The following C1QTNF2 variants were observed in gnomAD, a reference collection of about 807,000 sequenced individuals.
The protein encoded by C1QTNF2 is complement C1q tumor necrosis factor-related protein 2.
A neutral mutation model predicts 17.4 loss-of-function variants in C1QTNF2; 15 were observed. The observed-to-expected ratio is 0.86, with a 90% CI of 0.58 to 1.33. The LOEUF (loss-of-function observed/expected upper bound fraction) is 1.33, where lower values mean the gene tolerates loss of function less well. Ranked by LOEUF, C1QTNF2 falls within the 40% of genes most tolerant of loss-of-function variation. The pLI is 0.00. For missense variants in C1QTNF2, 381 were observed against 392.3 expected, an observed-to-expected ratio of 0.97 and a Z score of 0.24; for synonymous variants, 154 against 163.3, an observed-to-expected ratio of 0.94 and a Z score of 0.44.
intron 1 of C1QTNF2, among the ~76,000 whole-genome samples, chr5:160,357,027 A>G (rs1764063948): frequency 6.6e-6 from 1 of 152,188 alleles, no homozygotes; most frequent in Non-Finnish European, 1.5e-5. Context: ...GAGCCTGCAA[A>G]AGGCCCCCAT....
chr5:160,352,664 A>G (rs891250783), intron 2 of C1QTNF2, among the ~76,000 whole-genome samples: 1 of 152,264 alleles, frequency 6.6e-6, no homozygotes, highest in Non-Finnish European at 1.5e-5. Context: ...GCCTGCTTGG[A>G]GCACATGTCC....
In C1QTNF2 at chr5:160,349,231, C is replaced by T; in HGVS notation, c.795G>A (p.Trp265Ter). Residue 265 changes from tryptophan (W) to a stop codon, truncating the protein, a stop_gained, in exon 3 of 3, where the codon TGG (tryptophan) becomes TGA (stop). Transcript: ENST00000652664. LOFTEE classifies it high-confidence loss of function. This position sits in a 1 kb window ranked among gnomAD's most constrained non-coding sequence, Gnocchi z 4.3. Reference sequence around the variant, plus strand: ...GGAAGCCCGTAAAGAGGCTGTCTGTCCAGTAAGGGTCATAGAAGAGCCCGT... The same window carrying T: ...GGAAGCCCGTAAAGAGGCTGTCTGTTCAGTAAGGGTCATAGAAGAGCCCGT... ...EQNGLFYDPY[W>*]TDSLFTGFLI... 1 of 1,614,096 alleles carries T rather than the reference C, an allele frequency of 6.2e-7. No homozygotes were observed. Among genetic ancestry groups the T allele is most frequent in the East Asian group, 2.2e-5 (1 of 44,866 alleles).
intron 1 of C1QTNF2, among the ~76,000 whole-genome samples, chr5:160,370,080 C>T (rs1764321900): frequency 6.6e-6 from 1 of 152,154 alleles, no homozygotes; most frequent in Non-Finnish European, 1.5e-5. Flanking sequence ...GACTTCAAGT[C>T]CCTTTTTTAT....
intron 2 of C1QTNF2, among the ~76,000 whole-genome samples, chr5:160,350,441 C>T (rs867021298): frequency 6.6e-6 from 1 of 152,104 alleles, no homozygotes; most frequent in African/African-American, 2.4e-5. Flanking sequence ...AGGTGGCTCG[C>T]GTCTATAATC....
At chr5:160,370,488 C>G in intron 1 of C1QTNF2, 24 bp downstream of exon 1, 2 of 1,423,692 alleles carry the variant, frequency 1.4e-6, no homozygotes, top group Non-Finnish European at 1.8e-6. Flanking sequence ...CCGCCCCCGC[C>G]CGACCGCGGT....
chr5:160,365,228 C>T (rs2113534305), intron 1 of C1QTNF2, among the ~76,000 whole-genome samples: 1 of 152,280 alleles, frequency 6.6e-6, no homozygotes, highest in South Asian at 2.1e-4. Flanking sequence ...GATTAGGCAA[C>T]AATCCCTGGG....
chr5:160,352,655 C>T (rs1258383332), intron 2 of C1QTNF2, among the ~76,000 whole-genome samples: 1 of 152,340 alleles, frequency 6.6e-6, no homozygotes, highest in East Asian at 1.9e-4. Context: ...CTCTAGCTGG[C>T]CTGCTTGGAG....
intron 1 of C1QTNF2, among the ~76,000 whole-genome samples, chr5:160,360,575 G>A (rs1231220142): frequency 6.6e-6 from 1 of 152,134 alleles, no homozygotes; most frequent in African/African-American, 2.4e-5. Context: ...TAGAGTAGGT[G>A]CTCCATAGAG....
At chr5:160,360,020 C>T (rs1184650774) in intron 1 of C1QTNF2, among the ~76,000 whole-genome samples, 3 of 152,120 alleles carry the variant, frequency 2.0e-5, no homozygotes, top group African/African-American at 4.8e-5. Context: ...AGTAACCTCA[C>T]GGCTCCACCC....
At chr5:160,369,115 G>A (rs562109715) in intron 1 of C1QTNF2, among the ~76,000 whole-genome samples, 1 of 152,110 alleles carries the variant, frequency 6.6e-6, no homozygotes, top group East Asian at 1.9e-4. Context: ...GAAGGGTTGG[G>A]GAAATACTTT....
rs1345204107 is a variant in C1QTNF2, at chr5:160,348,282, T to C, written c.*886A>G. ...TCAAGTCTGTGGCCGACTTGACTCA[T>C]GCAATGAGCAGATTCAAGATGATCC... On this transcript the variant is annotated 3_prime_UTR_variant, in exon 3 of 3. Transcript: ENST00000652664. 1 of 152,266 alleles carries C rather than the reference T, an allele frequency of 6.6e-6. No homozygotes were observed. Among genetic ancestry groups the C allele is most frequent in the East Asian group, 1.9e-4 (1 of 5,202 alleles). The allele number at this position is 152,266 out of a possible 1,614,324, so 9.4% of individuals were successfully genotyped here. A position where few individuals can be genotyped will look rare whatever the true frequency, so the allele number is the denominator to read the frequency against.
intron 1 of C1QTNF2, among the ~76,000 whole-genome samples, chr5:160,358,927 C>T (rs765038705): frequency 6.6e-6 from 1 of 152,024 alleles, no homozygotes; most frequent in African/African-American, 2.4e-5. Context: ...ACTATAGGAG[C>T]GTGCCACCAT....
intron 1 of C1QTNF2, among the ~76,000 whole-genome samples, chr5:160,366,081 T>C (rs1354722337): frequency 6.6e-6 from 1 of 152,208 alleles, no homozygotes; most frequent in Non-Finnish European, 1.5e-5. Context: ...GTGCCCTATT[T>C]GTAGTCTTTC....
At chr5:160,369,246 CT>C (rs1278210206) in intron 1 of C1QTNF2, among the ~76,000 whole-genome samples, 2 of 152,168 alleles carry the variant, frequency 1.3e-5, no homozygotes, top group Non-Finnish European at 2.9e-5. Context: ...AGCGTCGTTA[CT>C]TTTATAACAT....
chr5:160,363,612 T>C (rs1764193839), intron 1 of C1QTNF2, among the ~76,000 whole-genome samples: 1 of 152,214 alleles, frequency 6.6e-6, no homozygotes, highest in African/African-American at 2.4e-5. Flanking sequence ...TACCTTCTAA[T>C]ATATACAAGC....
intron 2 of C1QTNF2, 137 bp downstream of exon 2, chr5:160,354,631 T>TATATATATATATAGATAGATAG (rs1314517787): frequency 4.5e-6 from 1 of 223,566 alleles, no homozygotes; most frequent in Non-Finnish European, 7.8e-6. Flanking sequence ...TATATATATA[T>TATATATATATATAGATAGATAG]ATAGATTTAT....
intron 2 of C1QTNF2, among the ~76,000 whole-genome samples, chr5:160,350,790 G>C (rs956379300): frequency 7.0e-6 from 1 of 142,536 alleles, no homozygotes; most frequent in Non-Finnish European, 1.5e-5. Flanking sequence ...TTGCTCTGTC[G>C]CCCAGGCTGG....
chr5:160,357,335 G>A (rs1464494011), intron 1 of C1QTNF2, among the ~76,000 whole-genome samples: 1 of 152,196 alleles, frequency 6.6e-6, no homozygotes, highest in Non-Finnish European at 1.5e-5. Context: ...GTAGGGAGGG[G>A]TAGGCAAAAA....
intron 1 of C1QTNF2, 44 bp downstream of exon 1, chr5:160,370,468 C>T (rs1764333993): frequency 1.4e-6 from 2 of 1,391,170 alleles, no homozygotes; most frequent in East Asian, 3.0e-5. Flanking sequence ...CTCCTCCCCG[C>T]GCGCACTTGC....
Sources: allele counts gnomAD v4.1 joint callset (sites outside exome capture counted in the v4.1 genomes callset), GRCh38; gene constraint gnomAD v4.1.1; non-coding constraint Gnocchi (gnomAD v3.1); transcripts MANE v1.5; gene names NCBI Gene and HGNC (gene_info 2026-07-23, HGNC 2026-07-21).